The following PTPRM variants were observed in gnomAD, a reference collection of about 807,000 sequenced individuals.
The protein encoded by PTPRM is protein tyrosine phosphatase receptor type M.
Under a neutral mutation model 186.7 loss-of-function variants are expected in PTPRM, and 47 were observed. That is an observed-to-expected ratio of 0.25 (90% CI 0.20 to 0.32). PTPRM has a LOEUF of 0.32. Among genes scored for constraint, PTPRM ranks in the 10% least tolerant of loss-of-function variants. PTPRM has a pLI of 1.00. For synonymous variants in PTPRM, 668 were observed against 674.9 expected (o/e 0.99, Z 0.16); for missense variants, 1,494 against 1,865.0 (o/e 0.80, Z 3.66).
At chr18:7,674,568 G>A (rs1009387066) in intron 1 of PTPRM, among the ~76,000 whole-genome samples, 1 of 152,176 alleles carries the variant, frequency 6.6e-6, no homozygotes, top group Non-Finnish European at 1.5e-5. Flanking sequence ...TTGAACCAAA[G>A]GGTGGGCAGG....
chr18:7,809,662 T>C (rs1398794083), intron 2 of PTPRM, among the ~76,000 whole-genome samples: 7 of 152,172 alleles, frequency 4.6e-5, no homozygotes, highest in Non-Finnish European at 7.3e-5. Context: ...TTTCTCTGCA[T>C]TTCCTACCGT....
intron 20 of PTPRM, among the ~76,000 whole-genome samples, chr18:8,309,683 A>G (rs79264406): frequency 0.012 from 1,837 of 151,952 alleles, 29 homozygotes; most frequent in African/African-American, 0.041. Context: ...TCTTTTTTCA[A>G]TTTTTATTTT....
chr18:7,890,861 G>T (rs2049036188), intron 3 of PTPRM, among the ~76,000 whole-genome samples: 1 of 152,100 alleles, frequency 6.6e-6, no homozygotes, highest in Non-Finnish European at 1.5e-5. Context: ...AAAATTTAAT[G>T]ATACATTTAA....
At chr18:8,182,433 C>T (rs1466799463) in intron 14 of PTPRM, among the ~76,000 whole-genome samples, 1 of 152,144 alleles carries the variant, frequency 6.6e-6, no homozygotes, top group African/African-American at 2.4e-5. Flanking sequence ...GCAAGCTAAA[C>T]TTGAGTTCAT....
intron 3 of PTPRM, among the ~76,000 whole-genome samples, chr18:7,905,529 A>G (rs2049933608): frequency 6.6e-6 from 1 of 152,188 alleles, no homozygotes; most frequent in African/African-American, 2.4e-5. Context: ...TCACTGCATT[A>G]TTAATAGGCT....
intron 19 of PTPRM, among the ~76,000 whole-genome samples, chr18:8,272,962 A>T (rs2094790593): frequency 6.6e-6 from 1 of 152,128 alleles, no homozygotes; most frequent in African/African-American, 2.4e-5. Flanking sequence ...CACTGATAGA[A>T]TTATCTTTAG....
chr18:8,278,010 A>G (rs891535472), intron 19 of PTPRM, among the ~76,000 whole-genome samples: 3 of 152,228 alleles, frequency 2.0e-5, no homozygotes, highest in African/African-American at 7.2e-5. Context: ...TGGTTTCTCA[A>G]TCTATAATAT....
chr18:8,246,368 T>A (rs569060268), intron 15 of PTPRM, among the ~76,000 whole-genome samples: 6 of 152,262 alleles, frequency 3.9e-5, no homozygotes, highest in Admixed American at 1.3e-4. Context: ...GTTATGAGAA[T>A]GGGGATTAAT....
intron 2 of PTPRM, among the ~76,000 whole-genome samples, chr18:7,778,412 G>A (rs1033810412): frequency 4.6e-5 from 7 of 152,010 alleles, no homozygotes; most frequent in East Asian, 1.9e-4. Flanking sequence ...TGAGTGATTC[G>A]TTTCATATCA....
rs2094459964 is a variant in PTPRM at position 8,244,512 on chromosome 18, CTTG to C, written c.2452+309_2452+311del. On this transcript the variant is annotated intron_variant, in intron 15 of 32. Coordinates refer to ENST00000580170, the MANE Select transcript of PTPRM (RefSeq NM_001105244.2). The stretch of plus-strand genomic sequence containing the variant: ...AAGGCACCTGCTTCTCATCATCCTT[CTTG>C]TTGTTTAGATCCCATTTGTAAACTA... Among the ~76,000 whole-genome samples, 6 of 152,164 alleles carry C rather than the reference CTTG, an allele frequency of 3.9e-5. No homozygotes were observed. The South Asian group carries it at 1.0e-3, about 26-fold the overall frequency.
rs139272901 is a variant in PTPRM at position 8,317,301 on chromosome 18, AG to A, written c.2920-1873del. Among the ~76,000 whole-genome samples, 435 of 152,092 alleles carry A rather than the reference AG, an allele frequency of 2.9e-3. 2 individuals are homozygous for A. The highest frequency in any genetic ancestry group is 9.8e-3 in the African/African-American group (406 of 41,496). On this transcript the variant is annotated intron_variant, in intron 21 of 32. Transcript: ENST00000580170. ...TGGCTACGGGGTTCAGGAGGGAGAG[AG>A]GGGTCAAGGATGCTGAGGAGAAGAT...
intron 1 of PTPRM, among the ~76,000 whole-genome samples, chr18:7,736,685 CA>C (rs1333815833): frequency 6.6e-6 from 1 of 152,114 alleles, no homozygotes; most frequent in Non-Finnish European, 1.5e-5. Context: ...CTCTGGTGGT[CA>C]GAGAAAAACA....
intron 29 of PTPRM, among the ~76,000 whole-genome samples, chr18:8,381,914 A>G (rs1334712161): frequency 6.6e-6 from 1 of 152,232 alleles, no homozygotes. Context: ...ACAAGACATC[A>G]GTGATTCTAG....
chr18:8,399,319 C>A (rs1289526313), intron 32 of PTPRM, among the ~76,000 whole-genome samples: 1 of 152,198 alleles, frequency 6.6e-6, no homozygotes, highest in Non-Finnish European at 1.5e-5. Flanking sequence ...GTTTGGAAAG[C>A]TGCCCTATTT....
rs775446455 is a variant in PTPRM at position 7,887,997 on chromosome 18, A to G, written c.197-109A>G. 8 of 1,303,326 alleles carry G rather than the reference A, an allele frequency of 6.1e-6. No homozygotes were observed. The African/African-American group carries it at 1.2e-4, about 19-fold the overall frequency. 80.7% of individuals were successfully genotyped at this position (1,303,326 alleles called of 1,614,324 possible). A position where few individuals can be genotyped will look rare whatever the true frequency, so the allele number is the denominator to read the frequency against. ...TGGAAGAAATGGCAGTTTAAGCCTAAGTAAGACATGGAATTGCAGTGCCAA... is the reference window on the plus strand; with the variant it reads ...TGGAAGAAATGGCAGTTTAAGCCTAGGTAAGACATGGAATTGCAGTGCCAA... On this transcript the variant is annotated intron_variant, in intron 2 of 32. Coordinates refer to ENST00000580170, the MANE Select transcript of PTPRM (RefSeq NM_001105244.2).
At chr18:7,809,646 G>A (rs900168445) in intron 2 of PTPRM, among the ~76,000 whole-genome samples, 2 of 152,064 alleles carry the variant, frequency 1.3e-5, no homozygotes, top group East Asian at 1.9e-4. Flanking sequence ...AGGGCCCAGC[G>A]CCTCCTTTCT....
intron 32 of PTPRM, among the ~76,000 whole-genome samples, chr18:8,400,017 G>A (rs1340955707): frequency 1.3e-5 from 2 of 152,182 alleles, no homozygotes; most frequent in African/African-American, 4.8e-5. Flanking sequence ...ATAAAGGGTG[G>A]TAAAGCAGTG....
At chr18:7,629,047 C>A (rs1385135883) in intron 1 of PTPRM, among the ~76,000 whole-genome samples, 1 of 152,158 alleles carries the variant, frequency 6.6e-6, no homozygotes, top group Non-Finnish European at 1.5e-5. Flanking sequence ...ATCATGGAAC[C>A]ACTTACACTG....
intron 20 of PTPRM, among the ~76,000 whole-genome samples, chr18:8,300,399 A>G (rs959525509): frequency 1.5e-4 from 23 of 152,266 alleles, no homozygotes; most frequent in Middle Eastern, 6.8e-3. Flanking sequence ...ATGAACAGAA[A>G]TGCCACATTA....
Sources: gnomAD v4.1 joint callset for allele counts (sites outside exome capture counted in the v4.1 genomes callset) on GRCh38, gnomAD v4.1.1 for gene constraint, MANE v1.5 for transcripts, NCBI Gene and HGNC (gene_info 2026-07-23, HGNC 2026-07-21) for gene names.